The following TENM3 variants were observed in gnomAD, a reference collection of about 807,000 sequenced individuals.
The protein encoded by TENM3 is teneurin transmembrane protein 3, also known as teneurin-3.
Under a neutral mutation model 255.1 loss-of-function variants are expected in TENM3, and 63 were observed. That is an observed-to-expected ratio of 0.25 (90% confidence interval 0.20 to 0.30). The LOEUF is 0.30. Ranked by LOEUF, TENM3 falls within the 10% of genes least tolerant of loss-of-function variation. The pLI is 1.00. For synonymous variants in TENM3, 1,306 were observed against 1,322.3 expected, an observed-to-expected ratio of 0.99 and a Z score of 0.27; for missense variants, 2,929 against 3,461.1, an observed-to-expected ratio of 0.85 and a Z score of 3.86.
chr4:182,251,057 A>C (rs1757981628), intron 1 of TENM3, among the ~76,000 whole-genome samples: 1 of 152,218 alleles, frequency 6.6e-6, no homozygotes, highest in African/African-American at 2.4e-5. Context: ...TCAGTGTTCC[A>C]GAGTCCCAAA....
chr4:182,295,269 T>C (rs1010080364), intron 1 of TENM3, among the ~76,000 whole-genome samples: 3 of 127,854 alleles, frequency 2.3e-5, no homozygotes, highest in African/African-American at 6.1e-5. Context: ...TTCTTTTTTT[T>C]TTTTTTTTTT....
At chr4:181,952,254 G>C in the TENM3 span, among the ~76,000 whole-genome samples, 1 of 152,184 alleles carries the variant, frequency 6.6e-6, no homozygotes, top group Non-Finnish European at 1.5e-5. Flanking sequence ...AATCGGAGAG[G>C]TTGTGCTTTC....
At chr4:182,054,015 G>A in the TENM3 span, among the ~76,000 whole-genome samples, 155 of 152,246 alleles carry the variant, frequency 1.0e-3, no homozygotes, top group Middle Eastern at 3.4e-3. Context: ...GAATGATGTC[G>A]ATCGCCTGCT....
chr4:181,979,956 T>C, the TENM3 span, among the ~76,000 whole-genome samples: 1 of 152,210 alleles, frequency 6.6e-6, no homozygotes, highest in Non-Finnish European at 1.5e-5. Context: ...CCACTAGTTA[T>C]AACCTGTGAG....
chr4:181,917,748 G>A, the TENM3 span, among the ~76,000 whole-genome samples: 236 of 143,938 alleles, frequency 1.6e-3, 1 homozygote, highest in African/African-American at 5.8e-3. Flanking sequence ...TGAAACCTCC[G>A]CCTCCCAGGT....
intron 4 of TENM3, among the ~76,000 whole-genome samples, chr4:182,605,259 C>T (rs1035368968): frequency 6.6e-6 from 1 of 152,064 alleles, no homozygotes; most frequent in Non-Finnish European, 1.5e-5. Context: ...TAAAATATGC[C>T]TGGGAAGGTA....
intron 3 of TENM3, among the ~76,000 whole-genome samples, chr4:182,572,059 G>T (rs552898656): frequency 6.6e-6 from 1 of 152,024 alleles, no homozygotes; most frequent in South Asian, 2.1e-4. Context: ...CTGCCACCAC[G>T]CCCGGCTCAT....
the TENM3 span, among the ~76,000 whole-genome samples, chr4:181,868,996 A>C: frequency 1.3e-5 from 2 of 151,386 alleles, no homozygotes; most frequent in African/African-American, 4.9e-5. Context: ...ACCCATCCTA[A>C]ATTTCCAAAA....
chr4:181,456,195 G>GTA, the TENM3 span, among the ~76,000 whole-genome samples: 63,833 of 148,722 alleles, frequency 0.43, 14,219 homozygotes, highest in Non-Finnish European at 0.49. Flanking sequence ...ATGTATATGT[G>GTA]TATATATATA....
the TENM3 span, among the ~76,000 whole-genome samples, chr4:181,526,702 T>C: frequency 6.6e-6 from 1 of 152,252 alleles, no homozygotes; most frequent in South Asian, 2.1e-4. Context: ...TCATTTGTAA[T>C]TGGGACTTTA....
At chr4:181,582,669 C>CAAAAAAAAAAAAAAAAGAAAAAAAAAAA in the TENM3 span, among the ~76,000 whole-genome samples, 4 of 124,754 alleles carry the variant, frequency 3.2e-5, no homozygotes, top group Non-Finnish European at 6.5e-5. Flanking sequence ...CAAAACAAAT[C>CAAAAAAAAAAAAAAAAGAAAAAAAAAAA]AAAAAAAAAA....
the TENM3 span, among the ~76,000 whole-genome samples, chr4:181,658,796 A>G: frequency 6.6e-6 from 1 of 152,206 alleles, no homozygotes; most frequent in African/African-American, 2.4e-5. Flanking sequence ...AGCAAAACAA[A>G]AAAGAAAACA....
the TENM3 span, among the ~76,000 whole-genome samples, chr4:182,063,293 T>C: frequency 6.6e-6 from 1 of 152,216 alleles, no homozygotes; most frequent in Non-Finnish European, 1.5e-5. Flanking sequence ...TTAGCAGTTA[T>C]GCTGACTACT....
chr4:181,887,862 T>C, the TENM3 span, among the ~76,000 whole-genome samples: 1 of 152,158 alleles, frequency 6.6e-6, no homozygotes, highest in African/African-American at 2.4e-5. Context: ...ATTCCCTTGA[T>C]TGAAAGACCT....
intron 1 of TENM3, among the ~76,000 whole-genome samples, chr4:182,310,228 T>C (rs887586247): frequency 6.6e-6 from 1 of 152,172 alleles, no homozygotes; most frequent in African/African-American, 2.4e-5. Flanking sequence ...CTTATTTTTA[T>C]TTATTTATTT....
At chr4:181,543,980 G>A in the TENM3 span, among the ~76,000 whole-genome samples, 10 of 152,132 alleles carry the variant, frequency 6.6e-5, no homozygotes, top group Admixed American at 1.3e-4. Flanking sequence ...GGGTCCATTC[G>A]CTGAACTGAA....
At chr4:182,420,275 A>G (rs894631718) in intron 3 of TENM3, among the ~76,000 whole-genome samples, 1 of 152,170 alleles carries the variant, frequency 6.6e-6, no homozygotes, top group African/African-American at 2.4e-5. Context: ...GACTTAATTT[A>G]ACACATTTGT....
chr4:181,525,799 A>G, the TENM3 span, among the ~76,000 whole-genome samples: 19,966 of 152,192 alleles, frequency 0.13, 1,406 homozygotes, highest in East Asian at 0.2. Flanking sequence ...CATACTAATG[A>G]GGGCAGCTGG....
At chr4:181,467,125 A>ATATATATTTTTTTT in the TENM3 span, among the ~76,000 whole-genome samples, 1 of 17,614 alleles carries the variant, frequency 5.7e-5, no homozygotes, top group African/African-American at 2.5e-4. Flanking sequence ...ATATATATAT[A>ATATATATTTTTTTT]TTTTTTTTTT....
Sources: allele counts gnomAD v4.1 joint callset (sites outside exome capture counted in the v4.1 genomes callset), GRCh38; gene constraint gnomAD v4.1.1; transcripts MANE v1.5; gene names NCBI Gene and HGNC (gene_info 2026-07-23, HGNC 2026-07-21).